Variants in TAFA5 observed in about 807,000 individuals in gnomAD.
TAFA5 encodes chemokine-like protein TAFA-5.
Under a neutral mutation model 15.3 loss-of-function variants are expected in TAFA5, and 6 were observed. That is an observed-to-expected ratio of 0.39 (90% CI 0.21 to 0.77). TAFA5 has a LOEUF of 0.77. Among genes scored for constraint, TAFA5 ranks in the 30% least tolerant of loss-of-function variants. The probability of loss-of-function intolerance (pLI) is 0.41; values close to 1 mark genes in which losing one functional copy is unlikely to be tolerated. For synonymous variants in TAFA5, 103 were observed against 80.7 expected (o/e 1.28, Z -1.48); for missense variants, 161 against 193.1 (o/e 0.83, Z 0.98).
At chr22:48,584,900 T>TCACACACACACACCA (rs1555889928) in intron 1 of TAFA5, among the ~76,000 whole-genome samples, 104 of 119,138 alleles carry the variant, frequency 8.7e-4, no homozygotes, top group Admixed American at 2.6e-3. Context: ...AAAATACATC[T>TCACACACACACACCA]CACACACACA....
chr22:48,527,374 T>C (rs945471116), intron 1 of TAFA5, among the ~76,000 whole-genome samples: 5 of 152,186 alleles, frequency 3.3e-5, no homozygotes, highest in African/African-American at 4.8e-5. Flanking sequence ...TGAGCAGCTA[T>C]GGTGTCGCCT....
chr22:48,693,441 G>A, intron 2 of TAFA5: 1 of 1,605,428 alleles, frequency 6.2e-7, no homozygotes, highest in Non-Finnish European at 8.5e-7. Context: ...AGGAGGGACT[G>A]CGACTCTTGC....
intron 2 of TAFA5, among the ~76,000 whole-genome samples, chr22:48,664,015 A>T (rs1927531909): frequency 6.6e-6 from 1 of 152,256 alleles, no homozygotes; most frequent in African/African-American, 2.4e-5. Flanking sequence ...TAAGATCTAC[A>T]GTAAAAAATC....
In TAFA5 at chr22:48,702,810, C is replaced by T. The variant is rs558780215; in HGVS notation, c.263-4907C>T. Among the ~76,000 whole-genome samples, 415 of 152,370 alleles carry T rather than the reference C, an allele frequency of 2.7e-3. 1 individual carries two copies. The highest frequency in any genetic ancestry group is 8.9e-3 in the African/African-American group (372 of 41,598). ...TATGCTTGAAAGGCCCCTTTGTCCC[C>T]GGGACATGGTGGCCCGGCGCTGTGC... On this transcript the variant is annotated intron_variant, in intron 2 of 3. Transcript: ENST00000402357.
chr22:48,658,649 G>A (rs1927330106), intron 2 of TAFA5, among the ~76,000 whole-genome samples: 1 of 152,224 alleles, frequency 6.6e-6, no homozygotes, highest in African/African-American at 2.4e-5. Context: ...GGGAAGCTGA[G>A]CCCCACAAAG....
rs1316496482 is a variant in TAFA5, at chr22:48,751,615, C to T, written c.*1768C>T. ...AGGACATAATTTACCTTTCAGTCAC[C>T]ACAAATTTATAGGCATTTGTATCCT... On this transcript the variant is annotated 3_prime_UTR_variant, in exon 4 of 4. Transcript: ENST00000402357. 6.6e-6 allele frequency: 1 copy of T among 152,344 alleles called. No individual in the cohort carries two copies. The highest frequency in any genetic ancestry group is 2.4e-5 in the African/African-American group (1 of 41,458). The allele number at this position is 152,344 out of a possible 1,614,324, so 9.4% of individuals were successfully genotyped here.
chr22:48,565,420 C>T (rs1374867432), intron 1 of TAFA5, among the ~76,000 whole-genome samples: 1 of 152,216 alleles, frequency 6.6e-6, no homozygotes, highest in Non-Finnish European at 1.5e-5. Context: ...TTTAGTTTTG[C>T]AAATGCATGA....
intron 1 of TAFA5, among the ~76,000 whole-genome samples, chr22:48,639,782 C>T (rs1264953100): frequency 3.9e-5 from 6 of 152,166 alleles, no homozygotes; most frequent in East Asian, 1.9e-4. Flanking sequence ...TGGACCTGTA[C>T]CCACCTCTAC....
intron 2 of TAFA5, among the ~76,000 whole-genome samples, chr22:48,656,333 G>A (rs944254073): frequency 3.3e-5 from 5 of 151,940 alleles, no homozygotes; most frequent in African/African-American, 7.2e-5. Flanking sequence ...GTGAAGCCCC[G>A]TCTCTACTAA....
chr22:48,578,180 T>C (rs950504961), intron 1 of TAFA5, among the ~76,000 whole-genome samples: 4 of 152,212 alleles, frequency 2.6e-5, no homozygotes, highest in African/African-American at 9.6e-5. Context: ...TGTGAAAATT[T>C]CAGTGTTTCT....
chr22:48,744,611 C>T (rs1213945518), intron 3 of TAFA5, among the ~76,000 whole-genome samples: 1 of 152,158 alleles, frequency 6.6e-6, no homozygotes, highest in Non-Finnish European at 1.5e-5. Flanking sequence ...ACAGCCTCCT[C>T]GTTAGAGAGC....
chr22:48,594,667 G>A (rs1168549108), intron 1 of TAFA5, among the ~76,000 whole-genome samples: 1 of 152,218 alleles, frequency 6.6e-6, no homozygotes, highest in African/African-American at 2.4e-5. Context: ...ATCTGTGGGT[G>A]TCCAGAGCCT....
rs1292281886 is a variant in TAFA5 at position 48,490,229 on chromosome 22, C to T, written c.112+525C>T. Among the ~76,000 whole-genome samples the T allele has an allele frequency of 2.6e-5, 4 of 152,146 alleles. No homozygotes were observed. The East Asian group carries it at 7.8e-4, about 29-fold the overall frequency. On this transcript the variant is annotated intron_variant, in intron 1 of 3. Transcript: ENST00000402357. This position sits in a 1 kb window ranked among gnomAD's most constrained non-coding sequence, Gnocchi z 5.8. ...AGCTTCCGCTTTCCCGGGAAACGGG[C>T]TCGTCAGGCGCCTTCTGGAAAGAGA...
rs1482345995 is a variant in TAFA5, at chr22:48,676,816, C to T, written c.262+30070C>T. Among the ~76,000 whole-genome samples, 5 of 152,374 alleles carry T rather than the reference C, an allele frequency of 3.3e-5. No individual in the cohort carries two copies. In the East Asian group the frequency reaches 5.8e-4, roughly 18 times the overall value. On this transcript the variant is annotated intron_variant, in intron 2 of 3. Transcript: ENST00000402357. ...AAGCCATTGACCTTGAGGAGGTCAA[C>T]TGATTTCTCTAAGTTTCTTCCTGGA...
At chr22:48,655,927 C>T (rs1927228014) in intron 2 of TAFA5, among the ~76,000 whole-genome samples, 1 of 150,056 alleles carries the variant, frequency 6.7e-6, no homozygotes, top group Non-Finnish European at 1.5e-5. Context: ...GCAACCTCCG[C>T]CTCCCAGGTT....
chr22:48,699,083 C>T (rs1928820945), intron 2 of TAFA5, among the ~76,000 whole-genome samples: 1 of 151,884 alleles, frequency 6.6e-6, no homozygotes, highest in African/African-American at 2.4e-5. Context: ...CTGGGATGTA[C>T]CACCATGCCC....
intron 1 of TAFA5, among the ~76,000 whole-genome samples, chr22:48,578,015 G>C (rs73425935): frequency 0.026 from 3,925 of 152,346 alleles, 158 homozygotes; most frequent in African/African-American, 0.089. Flanking sequence ...CTGGTGTCGC[G>C]TGTCAGGACT....
In TAFA5 at chr22:48,632,174, A is replaced by G. The variant is rs577433985; in HGVS notation, c.113-14423A>G. 2.0e-5 allele frequency among the ~76,000 whole-genome samples: 3 copies of G among 152,264 alleles called. No individual in the cohort carries two copies. In the East Asian group the frequency reaches 5.8e-4, roughly 29 times the overall value. On this transcript the variant is annotated intron_variant, in intron 1 of 3. Transcript: ENST00000402357. ...CTGTGGGCCCAGGGAGACCCCACAC[A>G]TGCAGCTTCCCGGCCACCGTCCTCA...
chr22:48,715,129 C>A (rs1005399429), intron 3 of TAFA5, among the ~76,000 whole-genome samples: 5 of 152,340 alleles, frequency 3.3e-5, no homozygotes, highest in African/African-American at 1.2e-4. Context: ...TGGACATGAA[C>A]TTTGGGGGCC....
Sources: gnomAD v4.1 joint callset for allele counts (sites outside exome capture counted in the v4.1 genomes callset) on GRCh38, gnomAD v4.1.1 for gene constraint, Gnocchi (gnomAD v3.1) non-coding constraint, MANE v1.5 for transcripts, NCBI Gene and HGNC (gene_info 2026-07-23, HGNC 2026-07-21) for gene names.